FAM114A1: variants seen among roughly 807,000 people sequenced by gnomAD.
FAM114A1 encodes the protein protein NOXP20.
In FAM114A1, 62 loss-of-function variants were observed where a neutral mutation model predicts 64.3. The ratio of observed to expected loss-of-function variants is 0.96; its 90% confidence interval spans 0.79 to 1.19. The LOEUF (loss-of-function observed/expected upper bound fraction) is 1.19. Ranked by LOEUF, FAM114A1 falls within the 50% of genes most tolerant of loss-of-function variation. The pLI, the probability that FAM114A1 is intolerant of heterozygous loss-of-function variation, is 0.00. For synonymous variants in FAM114A1, 254 were observed against 251.1 expected, an observed-to-expected ratio of 1.01 and a Z score of -0.11; for missense variants, 645 against 676.3, an observed-to-expected ratio of 0.95 and a Z score of 0.51.
chr4:38,868,036 C>G (rs769669029), intron 1 of FAM114A1: 4 of 426,340 alleles, frequency 9.4e-6, no homozygotes, highest in Non-Finnish European at 1.9e-5. Context: ...GGCCGAGGGA[C>G]CTGCGTGGGT....
At chr4:38,896,410 T>C (rs983668277) in intron 4 of FAM114A1, among the ~76,000 whole-genome samples, 2 of 152,226 alleles carry the variant, frequency 1.3e-5, no homozygotes, top group Non-Finnish European at 2.9e-5. Context: ...TATTTCAAAA[T>C]TGGACAAGTG....
At chr4:38,905,902 C>T (rs1172051781) in intron 6 of FAM114A1, 41 bp downstream of exon 6, 1 of 1,545,606 alleles carries the variant, frequency 6.5e-7, no homozygotes, top group Non-Finnish European at 8.8e-7. Flanking sequence ...CTGTATTTCC[C>T]AGGGCCTTCT....
intron 2 of FAM114A1, among the ~76,000 whole-genome samples, chr4:38,869,161 C>T (rs1378676843): frequency 6.6e-6 from 1 of 152,212 alleles, no homozygotes; most frequent in Non-Finnish European, 1.5e-5. Flanking sequence ...CTGTTGGTCA[C>T]AGTCTTGGAG....
intron 2 of FAM114A1, among the ~76,000 whole-genome samples, chr4:38,870,151 C>G (rs1313560462): frequency 6.6e-6 from 1 of 152,178 alleles, no homozygotes; most frequent in Non-Finnish European, 1.5e-5. Context: ...CTTTCCACCT[C>G]AGAATACCAT....
chr4:38,876,162 C>CTTTTTTTT (rs1310747810), intron 2 of FAM114A1, among the ~76,000 whole-genome samples: 6 of 99,264 alleles, frequency 6.0e-5, no homozygotes, highest in South Asian at 3.3e-4. Context: ...TAGACTTATT[C>CTTTTTTTT]TTTTTTCTTT....
At chr4:38,903,512 G>A (rs1328489202) in intron 4 of FAM114A1, among the ~76,000 whole-genome samples, 3 of 152,160 alleles carry the variant, frequency 2.0e-5, no homozygotes, top group Admixed American at 6.5e-5. Context: ...AAATCTAGAC[G>A]AGAATCATAG....
intron 7 of FAM114A1, among the ~76,000 whole-genome samples, chr4:38,912,108 T>C (rs918628098): frequency 1.3e-5 from 2 of 151,770 alleles, no homozygotes; most frequent in African/African-American, 4.8e-5. Context: ...TGATCCACCC[T>C]ATTTGGCCTT....
At chr4:38,921,714 C>G (rs1170927704) in intron 8 of FAM114A1, among the ~76,000 whole-genome samples, 1 of 152,174 alleles carries the variant, frequency 6.6e-6, no homozygotes, top group Non-Finnish European at 1.5e-5. Flanking sequence ...AAGGACAGTG[C>G]CCTTCCTAGT....
chr4:38,918,717 G>C (rs983917161), intron 8 of FAM114A1, among the ~76,000 whole-genome samples: 1 of 152,136 alleles, frequency 6.6e-6, no homozygotes, highest in African/African-American at 2.4e-5. Flanking sequence ...CCAACACTTT[G>C]GGAGGCTGAG....
chr4:38,868,070 T>TGA, intron 1 of FAM114A1: 1 of 413,194 alleles, frequency 2.4e-6, no homozygotes, highest in South Asian at 1.7e-5. Flanking sequence ...TGTGTGTGTG[T>TGA]GAGTGTGTGT....
chr4:38,886,282 C>T (rs1715795188), intron 3 of FAM114A1, among the ~76,000 whole-genome samples: 1 of 151,726 alleles, frequency 6.6e-6, no homozygotes, highest in South Asian at 2.1e-4. Flanking sequence ...AGCGATTCTC[C>T]TGCCTCAGCC....
At position 38,933,320 on chromosome 4, in the gene FAM114A1, A is replaced by C. The variant is rs573812470; in HGVS notation, c.1463+946A>C. Among the ~76,000 whole-genome samples, 8 of 152,298 alleles carry C rather than the reference A, an allele frequency of 5.3e-5. No individual in the cohort carries two copies. The South Asian group carries it at 8.3e-4, about 16-fold the overall frequency. ...AAAGTCTTAGAAGTAAAACCTTTTG[A>C]GGGTAATTACATTTTCAACATATAC... is the stretch of plus-strand genomic sequence containing the variant. On this transcript the variant is annotated intron_variant, in intron 12 of 14. Transcript: ENST00000358869.
Position 38,878,319 on chromosome 4 carries a change from C to A in FAM114A1, c.241C>A (p.Pro81Thr), listed in dbSNP as rs1714870746. 1 of 1,614,110 alleles carries A rather than the reference C, an allele frequency of 6.2e-7. No homozygotes were observed. The highest frequency in any genetic ancestry group is 1.7e-5 in the Admixed American group (1 of 60,002). The change falls in exon 3 of 15, where the codon CCT becomes ACT. Residue 81 changes from proline (P) to threonine (T), a missense_variant. Coordinates refer to ENST00000358869, the MANE Select transcript of FAM114A1 (RefSeq NM_138389.4). ...QPQDANALEP[P>T]LNGDVTEDTL... ...TCAGGATGCCAACGCCCTGGAGCCC[C>A]CTCTCAATGGAGACGTGACTGAGGA...
At chr4:38,880,092 A>G (rs866298682) in intron 3 of FAM114A1, among the ~76,000 whole-genome samples, 6,073 of 95,400 alleles carry the variant, frequency 0.064, 251 homozygotes, top group Non-Finnish European at 0.078. Flanking sequence ...ATAAAATAAA[A>G]TAAAATAAAA....
intron 4 of FAM114A1, among the ~76,000 whole-genome samples, chr4:38,893,393 C>A (rs1716583450): frequency 6.6e-6 from 1 of 152,172 alleles, no homozygotes; most frequent in African/African-American, 2.4e-5. Flanking sequence ...CTGGATGTTT[C>A]CAGTTTTAAC....
chr4:38,875,263 G>A lies in FAM114A1; in HGVS notation c.-8-2808G>A, dbSNP rs892484948. 2.0e-5 allele frequency among the ~76,000 whole-genome samples: 3 copies of A among 152,090 alleles called. No homozygotes were observed. In the South Asian group the frequency reaches 6.2e-4, roughly 32 times the overall value. ...GCATTGAATCTGTACATTGCTTTGG[G>A]TAGTATGGCCATTTTAACAATAATG... is the stretch of plus-strand genomic sequence containing the variant. On this transcript the variant is annotated intron_variant, in intron 2 of 14. Transcript: ENST00000358869.
chr4:38,935,650 T>C, intron 12 of FAM114A1, 68 bp from the exon 13 acceptor site: 1 of 1,098,234 alleles, frequency 9.1e-7, no homozygotes, highest in Non-Finnish European at 1.3e-6. Context: ...GTATCAGAAA[T>C]GGTCGTGACA....
In FAM114A1 at chr4:38,874,365, A is replaced by G. The variant is rs189391762; in HGVS notation, c.-8-3706A>G. On this transcript the variant is annotated intron_variant, in intron 2 of 14. Transcript: ENST00000358869. The stretch of plus-strand genomic sequence containing the variant: ...CAGCTCTGAGTTATTGGGAAAATCT[A>G]TGTGTGAGATGGTGTCTCATTATGG... Among the ~76,000 whole-genome samples, 33 of 152,222 alleles carry G rather than the reference A, an allele frequency of 2.2e-4. 1 individual carries two copies. The highest frequency in any genetic ancestry group is 6.8e-3 in the Middle Eastern group (2 of 294).
At chr4:38,931,695 G>A in intron 11 of FAM114A1, 83 bp downstream of exon 11, 3 of 1,380,362 alleles carry the variant, frequency 2.2e-6, no homozygotes, top group Non-Finnish European at 9.7e-7. Flanking sequence ...TTGAGGAGAG[G>A]CCATTTCTTT....
Sources: allele counts gnomAD v4.1 joint callset (sites outside exome capture counted in the v4.1 genomes callset), GRCh38; gene constraint gnomAD v4.1.1; transcripts MANE v1.5; gene names NCBI Gene and HGNC (gene_info 2026-07-23, HGNC 2026-07-21).